The following RBFOX1 variants were observed in gnomAD, a reference collection of about 807,000 sequenced individuals.
The protein encoded by RBFOX1 is RNA binding fox-1 homolog 1.
A neutral mutation model predicts 57.7 loss-of-function variants in RBFOX1; 8 were observed. That is an observed-to-expected ratio of 0.14 (90% confidence interval 0.08 to 0.25). The LOEUF is 0.25. RBFOX1 is among the 10% of genes least tolerant of loss of function. The pLI is 1.00. For missense variants in RBFOX1, 611 were observed against 548.5 expected, an observed-to-expected ratio of 1.11 and a Z score of -1.14; for synonymous variants, 326 against 222.4, an observed-to-expected ratio of 1.47 and a Z score of -4.15.
At chr16:6,136,718 C>A (rs969367389) in intron 1 of RBFOX1, among the ~76,000 whole-genome samples, 1 of 152,230 alleles carries the variant, frequency 6.6e-6, no homozygotes, top group Non-Finnish European at 1.5e-5. Flanking sequence ...CTTCAAAATT[C>A]TTCTACAGCC....
intron 2 of RBFOX1, among the ~76,000 whole-genome samples, chr16:6,455,354 T>A (rs1157701579): frequency 1.3e-5 from 2 of 152,080 alleles, no homozygotes; most frequent in Admixed American, 6.5e-5. Flanking sequence ...ACAGGATCCC[T>A]TGGAAGGGAG....
At chr16:6,094,272 C>G (rs548354981) in intron 1 of RBFOX1, among the ~76,000 whole-genome samples, 1 of 152,126 alleles carries the variant, frequency 6.6e-6, no homozygotes, top group Non-Finnish European at 1.5e-5. Context: ...CCTGAGCCAC[C>G]GTTCCAAAGG....
rs998224121 is a variant in RBFOX1 at position 7,268,141 on chromosome 16, C to T, written c.27+216043C>T. Among the ~76,000 whole-genome samples, 110 of 152,268 alleles carry T rather than the reference C, an allele frequency of 7.2e-4. 1 individual carries two copies. Among genetic ancestry groups the T allele is most frequent in the African/African-American group, 2.6e-3 (110 of 41,562 alleles). On this transcript the variant is annotated intron_variant, in intron 4 of 15. Coordinates refer to ENST00000550418, the MANE Select transcript of RBFOX1 (RefSeq NM_018723.4). ...AACATCATGGCCAGTGTCCCTGCAC[C>T]TCAATATAGCTAACCATAGAAAAGG...
chr16:5,976,697 T>C (rs2060070147), intron 4 of RBFOX1, among the ~76,000 whole-genome samples: 2 of 152,096 alleles, frequency 1.3e-5, no homozygotes, highest in African/African-American at 2.4e-5. Context: ...GGTGAAACCT[T>C]GTTTCTACTA....
intron 2 of RBFOX1, among the ~76,000 whole-genome samples, chr16:6,443,830 C>G (rs2094434554): frequency 1.3e-5 from 2 of 152,080 alleles, no homozygotes; most frequent in Non-Finnish European, 1.5e-5. Context: ...ATCTAGCTAT[C>G]CATTCATCCA....
At chr16:5,876,412 C>G (rs2057612321) in intron 4 of RBFOX1, among the ~76,000 whole-genome samples, 1 of 152,148 alleles carries the variant, frequency 6.6e-6, no homozygotes. Context: ...GAAGTTGAGA[C>G]TCACACCCGA....
At chr16:5,775,471 C>A (rs960255514) in intron 3 of RBFOX1, among the ~76,000 whole-genome samples, 1 of 152,188 alleles carries the variant, frequency 6.6e-6, no homozygotes, top group East Asian at 1.9e-4. Context: ...GGTGGAAACA[C>A]CTATGTGTTC....
chr16:7,153,700 T>C (rs1207379705), intron 4 of RBFOX1, among the ~76,000 whole-genome samples: 17 of 138,744 alleles, frequency 1.2e-4, no homozygotes, highest in African/African-American at 3.6e-4. Context: ...CATTGAACTC[T>C]AGCCTGGTGA....
At chr16:7,101,874 A>G (rs191515304) in intron 4 of RBFOX1, among the ~76,000 whole-genome samples, 237 of 152,236 alleles carry the variant, frequency 1.6e-3, no homozygotes, top group South Asian at 6.6e-3. Flanking sequence ...GGGATTGTAC[A>G]GTTGGTAAAC....
At chr16:5,457,953 C>G (rs1054704633) in intron 1 of RBFOX1, among the ~76,000 whole-genome samples, 1 of 152,128 alleles carries the variant, frequency 6.6e-6, no homozygotes, top group Non-Finnish European at 1.5e-5. Flanking sequence ...AGCCCACTCA[C>G]AAGATGAGAA....
chr16:6,645,871 C>G (rs999168529), intron 2 of RBFOX1, among the ~76,000 whole-genome samples: 3 of 152,062 alleles, frequency 2.0e-5, no homozygotes, highest in Non-Finnish European at 4.4e-5. Context: ...GAAAGTGAGG[C>G]TAAGCAAACT....
chr16:6,145,083 A>T (rs2096747501), intron 1 of RBFOX1, among the ~76,000 whole-genome samples: 1 of 151,908 alleles, frequency 6.6e-6, no homozygotes, highest in Non-Finnish European at 1.5e-5. Context: ...GGTTTGTTAC[A>T]CAGGTAAACT....
chr16:6,893,759 C>T (rs1170318498), intron 3 of RBFOX1, among the ~76,000 whole-genome samples: 4 of 152,142 alleles, frequency 2.6e-5, no homozygotes, highest in Non-Finnish European at 5.9e-5. Context: ...AAGACCAAAA[C>T]ACATGTATCA....
At position 7,167,075 on chromosome 16, in the gene RBFOX1, C is replaced by G. The variant is rs536869304; in HGVS notation, c.27+114977C>G. Among the ~76,000 whole-genome samples, 3 of 142,140 alleles carry G rather than the reference C, an allele frequency of 2.1e-5. No individual in the cohort carries two copies. In the South Asian group the frequency reaches 6.7e-4, roughly 32 times the overall value. 93.2% of individuals were successfully genotyped at this position (142,140 alleles called of 152,430 possible). ...ATCTCAGCTCGCTGCAACCTCCGTC[C>G]CCTGGGTTCAAGCGATTCTCCTGCC... On this transcript the variant is annotated intron_variant, in intron 4 of 15. Transcript: ENST00000550418.
chr16:6,938,929 C>G (rs921390224), intron 3 of RBFOX1, among the ~76,000 whole-genome samples: 1 of 151,990 alleles, frequency 6.6e-6, no homozygotes, highest in Admixed American at 6.6e-5. Flanking sequence ...GAGAGTCCAT[C>G]TCAAAAAAGA....
chr16:7,262,651 A>G (rs950734694), intron 4 of RBFOX1, among the ~76,000 whole-genome samples: 3 of 152,256 alleles, frequency 2.0e-5, no homozygotes, highest in South Asian at 2.1e-4. Context: ...TGTCTCAAAT[A>G]CAATCTGCAA....
At chr16:5,775,849 A>C (rs576855442) in intron 3 of RBFOX1, among the ~76,000 whole-genome samples, 54 of 152,352 alleles carry the variant, frequency 3.5e-4, no homozygotes, top group African/African-American at 1.3e-3. Flanking sequence ...GCAGGCGTCC[A>C]TGGGAGAAAG....
chr16:5,417,780 C>A (rs1189306890), intron 1 of RBFOX1, among the ~76,000 whole-genome samples: 1 of 152,110 alleles, frequency 6.6e-6, no homozygotes, highest in East Asian at 1.9e-4. Flanking sequence ...GGGTGTCCCC[C>A]TACTAAGATT....
At chr16:7,122,763 G>T (rs941054426) in intron 4 of RBFOX1, among the ~76,000 whole-genome samples, 4 of 152,166 alleles carry the variant, frequency 2.6e-5, no homozygotes, top group African/African-American at 9.6e-5. Flanking sequence ...ACATGTACAT[G>T]TCTGTGTATA....
Sources: allele counts gnomAD v4.1 joint callset (sites outside exome capture counted in the v4.1 genomes callset), GRCh38; gene constraint gnomAD v4.1.1; transcripts MANE v1.5; gene names NCBI Gene and HGNC (gene_info 2026-07-23, HGNC 2026-07-21).